PVT1: variants seen among roughly 807,000 people sequenced by gnomAD.
PVT1 encodes the protein CXCR4/PVT1 fusion.
At chr8:128,019,773 G>A (rs1817412906) in intron 4 of PVT1, among the ~76,000 whole-genome samples, 1 of 152,128 alleles carries the variant, frequency 6.6e-6, no homozygotes, top group Non-Finnish European at 1.5e-5. Context: ...AGGCAGAATC[G>A]GCCCCCCAGG....
chr8:128,084,753 T>G (rs775770504), intron 5 of PVT1, among the ~76,000 whole-genome samples: 3 of 152,212 alleles, frequency 2.0e-5, no homozygotes, highest in Non-Finnish European at 4.4e-5. Context: ...CCCAGAAAGC[T>G]CTAGATATGT....
Position 127,915,612 on chromosome 8 carries a change from C to CAAAAAA in PVT1, n.782+24632_782+24637dup, listed in dbSNP as rs61238663. 9.3e-4 allele frequency among the ~76,000 whole-genome samples: 60 copies of CAAAAAA among 64,468 alleles called. 3 individuals are homozygous for CAAAAAA. The highest frequency in any genetic ancestry group is 3.0e-3 in the African/African-American group (55 of 18,388). The allele number at this position is 64,468 out of a possible 152,430, so 42.3% of individuals were successfully genotyped here. ...GGGCAACAAGAGCGAAACTCCATCT[C>CAAAAAA]AAAAAAAAAAAAAAAAAAAAAAAGA... On this transcript the variant is annotated intron_variant and non_coding_transcript_variant, in intron 3 of 10. Coordinates refer to ENST00000651587, the Ensembl canonical transcript of PVT1.
chr8:127,862,703 G>A (rs565686577), intron 2 of PVT1, among the ~76,000 whole-genome samples: 2 of 152,278 alleles, frequency 1.3e-5, no homozygotes, highest in Admixed American at 6.5e-5. Flanking sequence ...TTGAGCCATA[G>A]CCTGCAGCAA....
intron 3 of PVT1, among the ~76,000 whole-genome samples, chr8:127,971,109 A>G (rs1340067680): frequency 6.6e-6 from 1 of 152,254 alleles, no homozygotes; most frequent in East Asian, 1.9e-4. Context: ...CTTAAAGAAA[A>G]AGATTGCCAG....
chr8:128,008,878 C>T (rs1817279203), intron 4 of PVT1: 1 of 509,444 alleles, frequency 2.0e-6, no homozygotes, highest in Non-Finnish European at 4.2e-6. Flanking sequence ...TATGGTCAGG[C>T]TTACATGCTT....
intron 4 of PVT1, among the ~76,000 whole-genome samples, chr8:128,021,655 T>G (rs1485685437): frequency 1.3e-5 from 2 of 152,132 alleles, no homozygotes; most frequent in African/African-American, 4.8e-5. Flanking sequence ...TGTTGCAGGG[T>G]GAGTGTGCTA....
chr8:128,005,288 T>G (rs1378199474), intron 4 of PVT1, among the ~76,000 whole-genome samples: 1 of 152,208 alleles, frequency 6.6e-6, no homozygotes, highest in Non-Finnish European at 1.5e-5. Context: ...CTATCGTTAG[T>G]GTTAGTGTAT....
At chr8:127,925,847 G>T (rs1013545067) in intron 3 of PVT1, among the ~76,000 whole-genome samples, 19 of 152,098 alleles carry the variant, frequency 1.2e-4, no homozygotes, top group Admixed American at 1.0e-3. Flanking sequence ...CACCATGTTG[G>T]CCGGGCTGCT....
At chr8:127,910,506 T>A (rs1367872478) in intron 3 of PVT1, among the ~76,000 whole-genome samples, 1 of 152,206 alleles carries the variant, frequency 6.6e-6, no homozygotes, top group Non-Finnish European at 1.5e-5. Flanking sequence ...TTCTTTTCTT[T>A]ATGGCCTTTC....
intron 2 of PVT1, among the ~76,000 whole-genome samples, chr8:127,867,091 G>A (rs1296337342): frequency 2.6e-5 from 4 of 152,226 alleles, no homozygotes; most frequent in African/African-American, 9.6e-5. Flanking sequence ...GGCTTAGCTG[G>A]CCTCAGATGC....
intron 2 of PVT1, among the ~76,000 whole-genome samples, chr8:127,804,942 T>G (rs1412876823): frequency 6.7e-6 from 1 of 149,592 alleles, no homozygotes; most frequent in African/African-American, 2.5e-5. Flanking sequence ...TTTTTTTTTT[T>G]TTTTTGAGAC....
At position 127,874,344 on chromosome 8, in the gene PVT1, G is replaced by A. The variant is rs148834419; in HGVS notation, n.373-16245G>A. ...AGAAGGGCTTTGTAGGATGAGTAGA[G>A]GTTCACCAAGGGTGGGTAACAGTTA... On this transcript the variant is annotated intron_variant and non_coding_transcript_variant, in intron 2 of 10. Transcript: ENST00000651587. Among the ~76,000 whole-genome samples, 44 of 152,258 alleles carry A rather than the reference G, an allele frequency of 2.9e-4. 1 individual carries two copies. Among genetic ancestry groups the A allele is most frequent in the Non-Finnish European group, 5.6e-4 (38 of 68,020 alleles).
At chr8:127,912,861 G>A (rs143082915) in intron 3 of PVT1, among the ~76,000 whole-genome samples, 130 of 152,250 alleles carry the variant, frequency 8.5e-4, no homozygotes, top group African/African-American at 1.2e-3. Context: ...CAGGCCAGAC[G>A]AATTTTTTGG....
At chr8:128,066,771 G>C (rs1295674475) in intron 4 of PVT1, among the ~76,000 whole-genome samples, 1 of 152,146 alleles carries the variant, frequency 6.6e-6, no homozygotes, top group Non-Finnish European at 1.5e-5. Flanking sequence ...TTTCTAGTCT[G>C]TCCTGAGCAT....
chr8:128,062,673 C>T (rs1475704311), intron 4 of PVT1, among the ~76,000 whole-genome samples: 1 of 152,160 alleles, frequency 6.6e-6, no homozygotes, highest in Admixed American at 6.5e-5. Flanking sequence ...AACACCATTA[C>T]TTGGGGGAGG....
chr8:128,065,757 C>T (rs201957571), intron 4 of PVT1, among the ~76,000 whole-genome samples: 3 of 151,860 alleles, frequency 2.0e-5, no homozygotes, highest in Admixed American at 6.6e-5. Flanking sequence ...CAAGCAGACA[C>T]AAAAAACTGG....
At chr8:127,985,874 G>A (rs1433945240) in intron 3 of PVT1, among the ~76,000 whole-genome samples, 1 of 152,170 alleles carries the variant, frequency 6.6e-6, no homozygotes, top group Non-Finnish European at 1.5e-5. Flanking sequence ...TGATTTCGAA[G>A]CTTGTTCACT....
chr8:127,910,219 G>T (rs1353978289), intron 3 of PVT1, among the ~76,000 whole-genome samples: 3 of 152,196 alleles, frequency 2.0e-5, no homozygotes, highest in Non-Finnish European at 4.4e-5. Flanking sequence ...AGATGGGACT[G>T]GTGGGAAGAT....
At chr8:128,030,163 CAT>C (rs978396989) in intron 4 of PVT1, among the ~76,000 whole-genome samples, 1 of 152,136 alleles carries the variant, frequency 6.6e-6, no homozygotes, top group Non-Finnish European at 1.5e-5. Flanking sequence ...CGTATATACT[CAT>C]GTGTGCACAT....
Sources: gnomAD v4.1 joint callset for allele counts (sites outside exome capture counted in the v4.1 genomes callset) on GRCh38, gnomAD v4.1.1 for gene constraint, MANE v1.5 for transcripts, NCBI Gene and HGNC (gene_info 2026-07-23, HGNC 2026-07-21) for gene names.